The following SLC4A4 variants were observed in gnomAD, a reference collection of about 807,000 sequenced individuals.
The protein encoded by SLC4A4 is solute carrier family 4 member 4, also known as electrogenic sodium bicarbonate cotransporter 1.
A neutral mutation model predicts 111.5 loss-of-function variants in SLC4A4; 27 were observed. That is an observed-to-expected ratio of 0.24 (90% CI 0.18 to 0.33). The LOEUF (loss-of-function observed/expected upper bound fraction) is 0.33. Ranked by LOEUF, SLC4A4 falls within the 10% of genes least tolerant of loss-of-function variation. The probability of loss-of-function intolerance (pLI) is 1.00; values close to 1 mark genes in which losing one functional copy is unlikely to be tolerated. For missense variants in SLC4A4, 909 were observed against 1,315.5 expected (o/e 0.69, Z 4.78); for synonymous variants, 443 against 463.4 (o/e 0.96, Z 0.57).
chr4:71,442,070 G>A (rs1326994801), intron 8 of SLC4A4, among the ~76,000 whole-genome samples: 2 of 151,952 alleles, frequency 1.3e-5, no homozygotes, highest in Middle Eastern at 3.2e-3. Context: ...ACTTTACTAG[G>A]GGTTGAAAGA....
chr4:71,268,735 A>G (rs1216814118), intron 3 of SLC4A4, among the ~76,000 whole-genome samples: 2 of 152,176 alleles, frequency 1.3e-5, no homozygotes, highest in Admixed American at 1.3e-4. Flanking sequence ...TTATGTTTTC[A>G]CACTTTGCTT....
chr4:71,295,856 C>T lies in SLC4A4; in HGVS notation c.253+40457C>T, dbSNP rs550669986. ...GTGTTTTTAGTAGAGACAGGGGTTT[C>T]ACCATGTTGGCCAGGCTGGTCTCGA... On this transcript the variant is annotated intron_variant, in intron 3 of 25. Coordinates refer to ENST00000264485, the MANE Select transcript of SLC4A4 (RefSeq NM_001098484.3). Among the ~76,000 whole-genome samples, 22 of 152,184 alleles carry T rather than the reference C, an allele frequency of 1.4e-4. No homozygotes were observed. The East Asian group carries it at 3.7e-3, about 26-fold the overall frequency.
intron 7 of SLC4A4, chr4:71,437,173 C>A: frequency 2.3e-6 from 1 of 436,798 alleles, no homozygotes; most frequent in South Asian, 1.9e-5. Flanking sequence ...AATATTGACT[C>A]CACTCCACAC....
intron 16 of SLC4A4, among the ~76,000 whole-genome samples, chr4:71,517,416 G>T (rs746708995): frequency 6.6e-6 from 1 of 150,698 alleles, no homozygotes; most frequent in Admixed American, 6.6e-5. Context: ...ATATTTTTTG[G>T]CTCCAGAATT....
chr4:71,357,049 C>G lies in SLC4A4; in HGVS notation c.592C>G (p.Pro198Ala). 1 of 1,614,050 alleles carries G rather than the reference C, an allele frequency of 6.2e-7. No homozygotes were observed. Among genetic ancestry groups the G allele is most frequent in the Admixed American group, 1.7e-5 (1 of 60,012 alleles). ...DHQIETGLLK[P>A]ELKDKVTYTL... ...TCAGATTGAGACAGGCCTATTGAAA[C>G]CTGAACTTAAGGATAAGGTGACCTA... Residue 198 changes from proline (P) to alanine (A), a missense_variant, in exon 6 of 26, where the codon CCT becomes GCT. Around this residue, in one of 7 missense-constraint regions of SLC4A4, gnomAD observed 312 missense variants for 402.0 expected, o/e 0.78. Coordinates refer to ENST00000264485, the MANE Select transcript of SLC4A4 (RefSeq NM_001098484.3).
At chr4:71,236,380 A>G (rs879214815) in intron 1 of SLC4A4, 196 bp from the exon 2 acceptor site, 35 of 775,730 alleles carry the variant, frequency 4.5e-5, no homozygotes, top group Admixed American at 1.2e-4. Flanking sequence ...AACTGAAGCT[A>G]TGTGGGACCG....
At chr4:71,385,881 G>T (rs1027697561) in intron 6 of SLC4A4, among the ~76,000 whole-genome samples, 2 of 152,022 alleles carry the variant, frequency 1.3e-5, no homozygotes, top group Non-Finnish European at 2.9e-5. Context: ...GGACATTCTG[G>T]CATTGACTTT....
intron 3 of SLC4A4, among the ~76,000 whole-genome samples, chr4:71,277,784 G>C (rs188981433): frequency 5.3e-4 from 80 of 152,154 alleles, no homozygotes; most frequent in African/African-American, 1.8e-3. Context: ...CTGCCAGCCT[G>C]TAGCTTGTCT....
chr4:71,297,184 G>A (rs971018101), intron 3 of SLC4A4, among the ~76,000 whole-genome samples: 1 of 152,280 alleles, frequency 6.6e-6, no homozygotes, highest in Middle Eastern at 3.4e-3. Context: ...ACTTGGCTGT[G>A]GGACAGAGTC....
chr4:71,416,053 C>T (rs1040458859), intron 7 of SLC4A4, among the ~76,000 whole-genome samples: 2 of 152,222 alleles, frequency 1.3e-5, no homozygotes, highest in Non-Finnish European at 2.9e-5. Context: ...AGATTTTCTT[C>T]TAGCTCTGTC....
Position 71,210,611 on chromosome 4 carries a change from G to A in SLC4A4, c.-2+23210G>A, listed in dbSNP as rs892371247. ...CTTCCATTCCCCACACTTACCCCAA[G>A]GAAAATCTTAGGGAAATTAACACAA... On this transcript the variant is annotated intron_variant, in intron 1 of 25. Transcript: ENST00000264485. 3.3e-5 allele frequency among the ~76,000 whole-genome samples: 5 copies of A among 152,102 alleles called. No homozygotes were observed. The South Asian group carries it at 1.0e-3, about 32-fold the overall frequency.
intron 1 of SLC4A4, among the ~76,000 whole-genome samples, chr4:71,187,723 C>G (rs555458951): frequency 9.2e-5 from 14 of 152,330 alleles, no homozygotes; most frequent in African/African-American, 3.4e-4. Flanking sequence ...GCCAGTTCTG[C>G]GGCGGGCTGG....
At chr4:71,380,159 T>G (rs1391113267) in intron 6 of SLC4A4, among the ~76,000 whole-genome samples, 1 of 152,164 alleles carries the variant, frequency 6.6e-6, no homozygotes, top group Admixed American at 6.5e-5. Flanking sequence ...CTGCTGATAG[T>G]AGTAGAATTT....
chr4:71,431,104 T>C (rs994815173), intron 7 of SLC4A4, among the ~76,000 whole-genome samples: 1 of 152,126 alleles, frequency 6.6e-6, no homozygotes, highest in Non-Finnish European at 1.5e-5. Flanking sequence ...TTCTAGACAT[T>C]AGGGACCTAA....
chr4:71,266,898 A>T (rs1452892), intron 3 of SLC4A4, among the ~76,000 whole-genome samples: 1 of 152,134 alleles, frequency 6.6e-6, no homozygotes, highest in Admixed American at 6.5e-5. Flanking sequence ...CACTGGGGCT[A>T]TAGAAATGAA....
chr4:71,179,671 A>G (rs1203894674), intron 2 of SLC4A4, among the ~76,000 whole-genome samples: 4 of 152,188 alleles, frequency 2.6e-5, no homozygotes, highest in African/African-American at 9.7e-5. Context: ...TTCAAGGAGA[A>G]CTACAAACCG....
intron 2 of SLC4A4, among the ~76,000 whole-genome samples, chr4:71,133,368 C>A (rs544029763): frequency 6.6e-6 from 1 of 152,314 alleles, no homozygotes; most frequent in African/African-American, 2.4e-5. Flanking sequence ...TTGGCTATGA[C>A]TCAGCAAGGA....
chr4:71,567,764 C>CT (rs150600814), intron 25 of SLC4A4, 24 bp from the exon 26 acceptor site: 7,436 of 1,029,100 alleles, frequency 7.2e-3, no homozygotes, highest in Non-Finnish European at 8.4e-3. Context: ...TTACTTACTA[C>CT]TTTTTTTTTT....
At chr4:71,438,728 TC>T (rs755372356) in intron 7 of SLC4A4, among the ~76,000 whole-genome samples, 1 of 152,154 alleles carries the variant, frequency 6.6e-6, no homozygotes, top group Non-Finnish European at 1.5e-5. Flanking sequence ...TCTGCCTCTT[TC>T]CCCAATCACC....
Sources: allele counts gnomAD v4.1 joint callset (sites outside exome capture counted in the v4.1 genomes callset), GRCh38; gene constraint gnomAD v4.1.1; regional missense constraint gnomAD v4.1.1; transcripts MANE v1.5; gene names NCBI Gene and HGNC (gene_info 2026-07-23, HGNC 2026-07-21).